Variants in NPR3 observed in about 807,000 individuals in gnomAD.
The protein encoded by NPR3 is atrial natriuretic peptide receptor 3.
A neutral mutation model predicts 54.5 loss-of-function variants in NPR3; 34 were observed. The ratio of observed to expected loss-of-function variants is 0.62; its 90% CI spans 0.47 to 0.83. NPR3 has a LOEUF of 0.83. Among genes scored for constraint, NPR3 ranks in the 40% least tolerant of loss-of-function variants. The pLI, the probability that NPR3 is intolerant of heterozygous loss-of-function variation, is 0.00. For missense variants in NPR3, 674 were observed against 720.8 expected (o/e 0.94, Z 0.74); for synonymous variants, 289 against 297.1 (o/e 0.97, Z 0.28).
At chr5:32,763,597 A>T (rs771739703) in intron 3 of NPR3, among the ~76,000 whole-genome samples, 2 of 151,702 alleles carry the variant, frequency 1.3e-5, no homozygotes, top group Non-Finnish European at 2.9e-5. Context: ...TACAGACCTG[A>T]GCCATTGTGC....
chr5:32,767,342 G>C (rs2112029711), intron 3 of NPR3, among the ~76,000 whole-genome samples: 1 of 152,246 alleles, frequency 6.6e-6, no homozygotes, highest in South Asian at 2.1e-4. Flanking sequence ...TTCGGAGGTT[G>C]GTCAGACTCT....
upstream of NPR3, among the ~76,000 whole-genome samples, chr5:32,706,069 C>G (rs1047017065): frequency 6.6e-6 from 1 of 152,032 alleles, no homozygotes; most frequent in Non-Finnish European, 1.5e-5. Context: ...GGGCGTATCC[C>G]TCATGACTTG....
At chr5:32,745,224 G>C (rs1344763798) in intron 3 of NPR3, among the ~76,000 whole-genome samples, 1 of 152,178 alleles carries the variant, frequency 6.6e-6, no homozygotes. Flanking sequence ...GTTTCACAGT[G>C]GGGGTTCTGA....
chr5:32,759,547 A>T (rs1448972267), intron 3 of NPR3, among the ~76,000 whole-genome samples: 2 of 151,742 alleles, frequency 1.3e-5, no homozygotes, highest in East Asian at 3.9e-4. Flanking sequence ...ATGGGTCTTG[A>T]CTCTTTATCC....
chr5:32,787,937 AG>A lies in NPR3; in HGVS notation c.*1593del, dbSNP rs1237024052. On this transcript the variant is annotated 3_prime_UTR_variant, in exon 8 of 8. Coordinates refer to ENST00000265074, the MANE Select transcript of NPR3 (RefSeq NM_001204375.2). Reference sequence around the variant, plus strand: ...TTAATATCTATTAAAAGGCATGTCTAGTGAGGAAACAGGAGAGTCTGAGCAA... The same window carrying A: ...TTAATATCTATTAAAAGGCATGTCTATGAGGAAACAGGAGAGTCTGAGCAA... 3 of 152,232 alleles carry A rather than the reference AG, an allele frequency of 2.0e-5. No homozygotes were observed. Among genetic ancestry groups the A allele is most frequent in the East Asian group, 3.8e-4 (2 of 5,196 alleles). The allele number at this position is 152,232 out of a possible 1,614,324, so 9.4% of individuals were successfully genotyped here.
intron 1 of NPR3, among the ~76,000 whole-genome samples, chr5:32,723,841 T>TCCTCTTCTCC (rs1285078072): frequency 1.3e-5 from 2 of 151,382 alleles, no homozygotes; most frequent in African/African-American, 2.4e-5. Context: ...TGTCCCTCTC[T>TCCTCTTCTCC]CCTCTTCTCC....
chr5:32,721,488 C>G (rs11750213), intron 1 of NPR3, among the ~76,000 whole-genome samples: 17,549 of 152,044 alleles, frequency 0.12, 1,103 homozygotes, highest in Admixed American at 0.19. Context: ...ACAAAAAGAA[C>G]GAAAATTAGC....
chr5:32,768,364 G>A (rs113116976), intron 3 of NPR3, among the ~76,000 whole-genome samples: 23 of 152,276 alleles, frequency 1.5e-4, no homozygotes, highest in African/African-American at 5.3e-4. Flanking sequence ...ATCTGTATAT[G>A]ACGCATGTGT....
chr5:32,735,544 C>T (rs1238156450), intron 2 of NPR3, among the ~76,000 whole-genome samples: 1 of 150,400 alleles, frequency 6.6e-6, no homozygotes, highest in East Asian at 2.0e-4. Context: ...CCATTTTTAG[C>T]TTTTTTGGTG....
intron 3 of NPR3, among the ~76,000 whole-genome samples, chr5:32,754,241 C>G (rs899911002): frequency 6.6e-6 from 1 of 152,106 alleles, no homozygotes. Flanking sequence ...TTAAAACAAT[C>G]GATGACCCAA....
At chr5:32,767,876 T>A (rs1741557498) in intron 3 of NPR3, among the ~76,000 whole-genome samples, 1 of 152,188 alleles carries the variant, frequency 6.6e-6, no homozygotes, top group Admixed American at 6.5e-5. Context: ...TAAGAGGGTA[T>A]CATGAAGTCA....
chr5:32,761,355 G>T (rs754500175), intron 3 of NPR3, among the ~76,000 whole-genome samples: 2 of 151,992 alleles, frequency 1.3e-5, no homozygotes, highest in African/African-American at 2.4e-5. Flanking sequence ...CTTTATCTCA[G>T]CAATGTTTAT....
chr5:32,711,175 G>A (rs934968328), upstream of NPR3: 3 of 356,938 alleles, frequency 8.4e-6, no homozygotes, highest in Non-Finnish European at 1.2e-5. Context: ...ATGTTAATGA[G>A]AGACTCCCCC....
intron 3 of NPR3, among the ~76,000 whole-genome samples, chr5:32,739,341 G>C (rs544830227): frequency 1.3e-5 from 2 of 152,202 alleles, no homozygotes; most frequent in East Asian, 3.9e-4. Flanking sequence ...AATGTCTGTA[G>C]ACTTCCATCA....
intron 3 of NPR3, among the ~76,000 whole-genome samples, chr5:32,756,247 C>T (rs1010003016): frequency 2.6e-5 from 4 of 152,232 alleles, no homozygotes; most frequent in East Asian, 1.9e-4. Flanking sequence ...AGTTTCTCCA[C>T]ATCCTCTCCA....
At chr5:32,741,116 C>T (rs843867) in intron 3 of NPR3, among the ~76,000 whole-genome samples, 38,484 of 142,722 alleles carry the variant, frequency 0.27, 6,578 homozygotes, top group African/African-American at 0.44. Flanking sequence ...TTTCCTCTCA[C>T]TGGGCAAAAG....
chr5:32,709,263 CTG>C (rs1738088996), upstream of NPR3: 1 of 152,182 alleles, frequency 6.6e-6, no homozygotes, highest in Admixed American at 6.5e-5. Context: ...GTTCCTACCA[CTG>C]TGGCCAGTGG....
chr5:32,760,446 T>C (rs962192561), intron 3 of NPR3, among the ~76,000 whole-genome samples: 11 of 152,206 alleles, frequency 7.2e-5, no homozygotes, highest in Non-Finnish European at 1.0e-4. Flanking sequence ...TGATGACTAG[T>C]GGTTTTGAGC....
intron 1 of NPR3, among the ~76,000 whole-genome samples, chr5:32,717,319 G>C (rs766663740): frequency 9.2e-5 from 14 of 152,136 alleles, no homozygotes; most frequent in Non-Finnish European, 2.1e-4. Flanking sequence ...ATATACGTGT[G>C]CATGTGTCTT....
Sources: allele counts gnomAD v4.1 joint callset (sites outside exome capture counted in the v4.1 genomes callset), GRCh38; gene constraint gnomAD v4.1.1; transcripts MANE v1.5; gene names NCBI Gene and HGNC (gene_info 2026-07-23, HGNC 2026-07-21).